Variants in ZBTB5 observed in about 807,000 individuals in gnomAD.
The protein encoded by ZBTB5 is zinc finger and BTB domain containing 5.
Under a neutral mutation model 37.9 loss-of-function variants are expected in ZBTB5, and 15 were observed. That is an observed-to-expected ratio of 0.40 (90% CI 0.26 to 0.61). The LOEUF is 0.61. Ranked by LOEUF, ZBTB5 falls within the 20% of genes least tolerant of loss-of-function variation. The pLI is 0.47. For synonymous variants in ZBTB5, 315 were observed against 312.4 expected (o/e 1.01, Z -0.09); for missense variants, 708 against 856.8 (o/e 0.83, Z 2.17).
At chr9:37,444,330 C>T (rs1052375475) in intron 1 of ZBTB5, among the ~76,000 whole-genome samples, 1 of 151,992 alleles carries the variant, frequency 6.6e-6, no homozygotes, top group Non-Finnish European at 1.5e-5. Context: ...TCCTGACGAG[C>T]TGGGATTATA....
intron 1 of ZBTB5, among the ~76,000 whole-genome samples, chr9:37,445,536 A>G (rs1232971632): frequency 6.6e-6 from 1 of 151,850 alleles, no homozygotes; most frequent in Non-Finnish European, 1.5e-5. Context: ...CTGCAGTCCC[A>G]GCTACTTGGG....
At chr9:37,453,570 T>C (rs1034424400) in intron 1 of ZBTB5, among the ~76,000 whole-genome samples, 1 of 152,284 alleles carries the variant, frequency 6.6e-6, no homozygotes, top group African/African-American at 2.4e-5. Flanking sequence ...ATCTCCACCT[T>C]TTCGGGGAGA....
At chr9:37,453,979 ATGACT>A (rs1824145407) in intron 1 of ZBTB5, among the ~76,000 whole-genome samples, 1 of 152,228 alleles carries the variant, frequency 6.6e-6, no homozygotes. Context: ...GAATCCAGGT[ATGACT>A]AAAGTTGGCA....
intron 1 of ZBTB5, among the ~76,000 whole-genome samples, chr9:37,448,140 G>C (rs1212565853): frequency 6.6e-6 from 1 of 152,090 alleles, no homozygotes; most frequent in Non-Finnish European, 1.5e-5. Flanking sequence ...AGTAATACTG[G>C]AAGACAGGCA....
Position 37,439,896 on chromosome 9 carries a change from A to G in ZBTB5, c.*622T>C, listed in dbSNP as rs1823825419. On this transcript the variant is annotated 3_prime_UTR_variant, in exon 2 of 2. Transcript: ENST00000307750. ...ATCCAACAGTGATGTATTCAAAAGT[A>G]TATACATCTAATAGTCCAAGAGAAT... The G allele has an allele frequency of 6.5e-6, 1 of 153,682 alleles. No homozygotes were observed. The highest frequency in any genetic ancestry group is 1.5e-5 in the Non-Finnish European group (1 of 68,826). The allele number at this position is 153,682 out of a possible 1,614,324, so 9.5% of individuals were successfully genotyped here. A position where few individuals can be genotyped will look rare whatever the true frequency, so the allele number is the denominator to read the frequency against.
At chr9:37,463,342 T>C (rs1374136069) in intron 1 of ZBTB5, among the ~76,000 whole-genome samples, 1 of 152,044 alleles carries the variant, frequency 6.6e-6, no homozygotes, top group African/African-American at 2.4e-5. Context: ...ATTTGAGAAA[T>C]ATTACGTACA....
At chr9:37,445,249 A>G (rs1433364649) in intron 1 of ZBTB5, among the ~76,000 whole-genome samples, 1 of 152,150 alleles carries the variant, frequency 6.6e-6, no homozygotes, top group African/African-American at 2.4e-5. Flanking sequence ...GGTAGAGGAG[A>G]TGAGGTATAA....
At chr9:37,459,674 T>C (rs1824254821) in intron 1 of ZBTB5, among the ~76,000 whole-genome samples, 1 of 148,198 alleles carries the variant, frequency 6.7e-6, no homozygotes, top group Admixed American at 6.8e-5. Flanking sequence ...GCCTCCCGAA[T>C]AGCTGGGATT....
intron 1 of ZBTB5, among the ~76,000 whole-genome samples, chr9:37,444,200 TTTTTG>T (rs1823934936): frequency 6.6e-6 from 1 of 152,002 alleles, no homozygotes; most frequent in Non-Finnish European, 1.5e-5. Context: ...AAGAAATGGT[TTTTTG>T]TTTTGTTTTT....
In ZBTB5 at chr9:37,440,661, G is replaced by A; in HGVS notation, c.1891C>T (p.His631Tyr). 6.2e-7 allele frequency: 1 copy of A among 1,614,262 alleles called. No homozygotes were observed. Among genetic ancestry groups the A allele is most frequent in the Non-Finnish European group, 8.5e-7 (1 of 1,180,054 alleles). ...TTTTCACCTGTGTGAACACGGATGT[G>A]CTTCTTGCAATCTGTCAAAGTCAGA... ...TFLTLTDCKK[H>Y]IRVHTGEKPY... Residue 631 changes from histidine (H) to tyrosine (Y), a missense_variant, in exon 2 of 2, where the codon CAC becomes TAC. By Grantham distance (83) the His-to-Tyr change is moderately conservative. Coordinates refer to ENST00000307750, the MANE Select transcript of ZBTB5 (RefSeq NM_014872.3).
In ZBTB5 at chr9:37,442,372, C is replaced by G. The variant is rs773814790; in HGVS notation, c.180G>C (p.Gln60His). Residue 60 changes from glutamine to histidine, a missense_variant, in exon 2 of 2, where the codon CAG becomes CAC. Coordinates refer to ENST00000307750, the MANE Select transcript of ZBTB5 (RefSeq NM_014872.3). ...RALFSVAEGD[Q>H]TMNMIQLDSE... is the part of the protein sequence containing the mutation. ...TATCCAGCTGGATCATGTTCATGGT[C>G]TGATCTCCTTCTGCCACTGAGAACA... 24 of 1,614,204 alleles carry G rather than the reference C, an allele frequency of 1.5e-5. No homozygotes were observed. Among genetic ancestry groups the G allele is most frequent in the Non-Finnish European group, 2.0e-5 (24 of 1,180,042 alleles).
intron 1 of ZBTB5, among the ~76,000 whole-genome samples, chr9:37,464,024 C>G (rs951360450): frequency 9.2e-5 from 14 of 152,272 alleles, no homozygotes; most frequent in African/African-American, 3.4e-4. Flanking sequence ...TTTCCTTTGG[C>G]TTAGGGGCTT....
In ZBTB5 at chr9:37,438,980, A is replaced by AT; in HGVS notation, c.*1537dup. ...GATTAACAGGAGAGAAAACACGCTCATTTTTGTTTCCAGCTACACATACTT... is the reference window on the plus strand; with the variant it reads ...GATTAACAGGAGAGAAAACACGCTCATTTTTTGTTTCCAGCTACACATACTT... On this transcript the variant is annotated 3_prime_UTR_variant, in exon 2 of 2. Coordinates refer to ENST00000307750, the MANE Select transcript of ZBTB5 (RefSeq NM_014872.3). 6.6e-6 allele frequency: 1 copy of AT among 152,384 alleles called. No individual in the cohort carries two copies. The highest frequency in any genetic ancestry group is 1.5e-5 in the Non-Finnish European group (1 of 68,038). 9.4% of individuals were successfully genotyped at this position (152,384 alleles called of 1,614,324 possible).
chr9:37,442,389 C>T lies in ZBTB5; in HGVS notation c.163G>A (p.Val55Met). Residue 55 changes from valine to methionine, a missense_variant, in exon 2 of 2, where the codon GTG becomes ATG. By Grantham distance (21) the Val-to-Met change is conservative. This residue lies in a region of ZBTB5 where 639 missense variants were observed against 690.5 expected (regional missense o/e 0.93). Transcript: ENST00000307750. ...CSTHFRALFSVAEGDQTMNMI... is the reference protein window; with the variant it reads ...CSTHFRALFSMAEGDQTMNMI... ...TTCATGGTCTGATCTCCTTCTGCCA[C>T]TGAGAACAGGGCTCGGAAATGCGTG... 2 of 1,614,196 alleles carry T rather than the reference C, an allele frequency of 1.2e-6. No homozygotes were observed. Among genetic ancestry groups the T allele is most frequent in the Non-Finnish European group, 1.7e-6 (2 of 1,180,036 alleles).
At chr9:37,460,594 G>A (rs1291192712) in intron 1 of ZBTB5, among the ~76,000 whole-genome samples, 1 of 151,870 alleles carries the variant, frequency 6.6e-6, no homozygotes, top group Non-Finnish European at 1.5e-5. Context: ...TGCTGGGCAT[G>A]GTGGCTCACG....
intron 1 of ZBTB5, among the ~76,000 whole-genome samples, chr9:37,443,433 G>T (rs1206762063): frequency 6.6e-6 from 1 of 152,148 alleles, no homozygotes; most frequent in African/African-American, 2.4e-5. Context: ...TTTGGAAGCT[G>T]GGGAGAGGTA....
rs1001187385 is a variant in ZBTB5, at chr9:37,441,324, A to G, written c.1228T>C (p.Ser410Pro). The G allele has an allele frequency of 6.2e-7, 1 of 1,614,140 alleles. No individual in the cohort carries two copies. The highest frequency in any genetic ancestry group is 8.5e-7 in the Non-Finnish European group (1 of 1,180,030). The change falls in exon 2 of 2, where the codon TCG becomes CCG. Residue 410 changes from serine (S) to proline (P), a missense_variant. This residue lies in a region of ZBTB5 where 639 missense variants were observed against 690.5 expected (regional missense o/e 0.93). Transcript: ENST00000307750. ...NLEHKSTFSISNFLNKSRGNN... is the reference protein window; with the variant it reads ...NLEHKSTFSIPNFLNKSRGNN... ...CCTCTGCTCTTGTTAAGAAAATTCG[A>G]AATACTAAAAGTGGACTTATGCTCT...
intron 1 of ZBTB5, among the ~76,000 whole-genome samples, chr9:37,455,048 G>C (rs1372237423): frequency 1.3e-5 from 2 of 152,170 alleles, no homozygotes; most frequent in East Asian, 3.8e-4. Context: ...CTGGAAACCT[G>C]TGGCCCTAAA....
At position 37,440,538 on chromosome 9, in the gene ZBTB5, G is replaced by GA; in HGVS notation, c.2013dup (p.Leu672SerfsTer27). The GA allele has an allele frequency of 6.2e-7, 1 of 1,614,226 alleles. No individual in the cohort carries two copies. The highest frequency in any genetic ancestry group is 8.5e-7 in the Non-Finnish European group (1 of 1,180,026). Reference sequence around the variant, plus strand: ...AACAGCTAGAGCAAAGTGCTGGGAAGATTGCTGCTCTGCCAGCGCAGGCAG... The same window carrying GA: ...AACAGCTAGAGCAAAGTGCTGGGAAGAATTGCTGCTCTGCCAGCGCAGGCAG... On this transcript the variant is annotated frameshift_variant, in exon 2 of 2. Coordinates refer to ENST00000307750, the MANE Select transcript of ZBTB5 (RefSeq NM_014872.3). LOFTEE classifies it high-confidence loss of function.
Sources: allele counts gnomAD v4.1 joint callset (sites outside exome capture counted in the v4.1 genomes callset), GRCh38; gene constraint gnomAD v4.1.1; regional missense constraint gnomAD v4.1.1; transcripts MANE v1.5; gene names NCBI Gene and HGNC (gene_info 2026-07-23, HGNC 2026-07-21).